ARB2A: variants seen among roughly 807,000 people sequenced by gnomAD.
The protein encoded by ARB2A is cotranscriptional regulator ARB2A.
the ARB2A span, among the ~76,000 whole-genome samples, chr5:93,815,885 C>T: frequency 6.6e-6 from 1 of 152,166 alleles, no homozygotes; most frequent in African/African-American, 2.4e-5. Flanking sequence ...GATATAACTC[C>T]CTGGTGAGAG....
At chr5:94,066,240 A>G in the ARB2A span, among the ~76,000 whole-genome samples, 1 of 152,122 alleles carries the variant, frequency 6.6e-6, no homozygotes. Flanking sequence ...ACATCAAAAA[A>G]GTAGAAAGAT....
At chr5:93,969,908 C>G in the ARB2A span, among the ~76,000 whole-genome samples, 1 of 151,898 alleles carries the variant, frequency 6.6e-6, no homozygotes, top group African/African-American at 2.4e-5. Flanking sequence ...CATTAAGAAG[C>G]CTCCTAGAAG....
the ARB2A span, among the ~76,000 whole-genome samples, chr5:93,914,908 T>C: frequency 1.8e-4 from 28 of 152,034 alleles, no homozygotes; most frequent in Admixed American, 6.6e-4. Flanking sequence ...TTACCGAACA[T>C]TGAGTAATTA....
chr5:93,633,969 C>T, the ARB2A span, among the ~76,000 whole-genome samples: 2 of 152,040 alleles, frequency 1.3e-5, no homozygotes. Flanking sequence ...CGCCATGCTG[C>T]CCAGGCTGGT....
the ARB2A span, chr5:93,733,847 A>G: frequency 2.0e-5 from 3 of 152,200 alleles, no homozygotes; most frequent in Non-Finnish European, 2.9e-5. Context: ...GACATAAATA[A>G]CACCATTTTG....
chr5:93,668,582 C>A, the ARB2A span, among the ~76,000 whole-genome samples: 2 of 152,106 alleles, frequency 1.3e-5, no homozygotes, highest in Non-Finnish European at 2.9e-5. Flanking sequence ...ACCAAAGAGG[C>A]AGACAAAGAA....
the ARB2A span, among the ~76,000 whole-genome samples, chr5:93,637,552 G>A: frequency 2.0e-5 from 3 of 152,040 alleles, no homozygotes; most frequent in Non-Finnish European, 4.4e-5. Flanking sequence ...TCAAGAAACT[G>A]GCCCACTATT....
chr5:94,083,850 A>C, the ARB2A span, among the ~76,000 whole-genome samples: 3 of 152,052 alleles, frequency 2.0e-5, no homozygotes, highest in Non-Finnish European at 2.9e-5. Context: ...GAATCTCTGT[A>C]TCATTAGGAA....
At chr5:93,820,405 C>T in the ARB2A span, among the ~76,000 whole-genome samples, 152 of 152,246 alleles carry the variant, frequency 1.0e-3, 1 homozygote, top group Middle Eastern at 0.014. Context: ...GTGATGAAAT[C>T]ACTTCATCAT....
At chr5:93,696,833 G>A in the ARB2A span, among the ~76,000 whole-genome samples, 1 of 151,974 alleles carries the variant, frequency 6.6e-6, no homozygotes, top group Non-Finnish European at 1.5e-5. Context: ...AGGCGGAGGT[G>A]GGTGGATTGC....
chr5:93,830,222 T>G, the ARB2A span, among the ~76,000 whole-genome samples: 2 of 150,372 alleles, frequency 1.3e-5, no homozygotes, highest in Admixed American at 6.7e-5. Flanking sequence ...CCATCTTAAA[T>G]ACCTGAGATG....
the ARB2A span, among the ~76,000 whole-genome samples, chr5:93,702,717 T>C: frequency 1.3e-5 from 2 of 152,176 alleles, no homozygotes; most frequent in East Asian, 3.9e-4. Context: ...AGTGTTGCTA[T>C]GAAGTCTCCT....
At chr5:93,765,259 C>T in the ARB2A span, among the ~76,000 whole-genome samples, 1 of 152,166 alleles carries the variant, frequency 6.6e-6, no homozygotes, top group Admixed American at 6.5e-5. Flanking sequence ...CAAATTGTCC[C>T]TGTTTGCAGA....
chr5:93,808,230 C>T, the ARB2A span, among the ~76,000 whole-genome samples: 1 of 151,892 alleles, frequency 6.6e-6, no homozygotes, highest in East Asian at 1.9e-4. Context: ...TTCCTGGGAT[C>T]TGGAGTGCAG....
the ARB2A span, among the ~76,000 whole-genome samples, chr5:93,803,104 G>A: frequency 6.6e-6 from 1 of 152,034 alleles, no homozygotes; most frequent in African/African-American, 2.4e-5. Context: ...ACAGGTGCCT[G>A]CTTAGATAGG....
the ARB2A span, among the ~76,000 whole-genome samples, chr5:93,984,252 TAA>T: frequency 3.3e-5 from 5 of 152,132 alleles, no homozygotes; most frequent in Non-Finnish European, 2.9e-5. Flanking sequence ...ACCATATATA[TAA>T]GTGTGAAAAT....
At chr5:93,815,855 A>C in the ARB2A span, among the ~76,000 whole-genome samples, 1 of 152,244 alleles carries the variant, frequency 6.6e-6, no homozygotes, top group East Asian at 1.9e-4. Context: ...CCTGATTCAA[A>C]CCTGAGCTTA....
chr5:94,083,270 T>C, the ARB2A span, among the ~76,000 whole-genome samples: 2 of 152,164 alleles, frequency 1.3e-5, no homozygotes, highest in African/African-American at 2.4e-5. Context: ...CCTATGATCA[T>C]AAGAGTCAAG....
At chr5:93,982,411 T>C in the ARB2A span, among the ~76,000 whole-genome samples, 2 of 152,198 alleles carry the variant, frequency 1.3e-5, no homozygotes, top group African/African-American at 4.8e-5. Context: ...TGAATATATA[T>C]GTATGTACAT....
Sources: allele counts gnomAD v4.1 joint callset (sites outside exome capture counted in the v4.1 genomes callset), GRCh38; gene constraint gnomAD v4.1.1; transcripts MANE v1.5; gene names NCBI Gene and HGNC (gene_info 2026-07-23, HGNC 2026-07-21).